PRLR: variants seen among roughly 807,000 people sequenced by gnomAD.
PRLR encodes hPRL receptor.
In PRLR, 13 loss-of-function variants were observed where a neutral mutation model predicts 40.2. The observed-to-expected ratio is 0.32, with a 90% CI of 0.21 to 0.51. The LOEUF is 0.51. PRLR is among the 20% of genes least tolerant of loss of function. The pLI is 0.97. For missense variants in PRLR, 656 were observed against 747.3 expected (o/e 0.88, Z 1.42); for synonymous variants, 269 against 278.7 (o/e 0.97, Z 0.35).
chr5:35,104,263 G>T (rs969942722), intron 2 of PRLR, among the ~76,000 whole-genome samples: 1 of 152,160 alleles, frequency 6.6e-6, no homozygotes, highest in Non-Finnish European at 1.5e-5. Context: ...GGGGTTCCAA[G>T]ACGGCCAAAT....
Position 35,084,597 on chromosome 5 carries a change from G to A in PRLR, c.246C>T (p.Gly82=), listed in dbSNP as rs1312108938. 6.2e-7 allele frequency: 1 copy of A among 1,610,718 alleles called. No homozygotes were observed. The highest frequency in any genetic ancestry group is 8.5e-7 in the Non-Finnish European group (1 of 1,178,672). Residue 82 remains glycine, a synonymous_variant, in exon 5 of 10, where the codon GGC becomes GGT. Coordinates refer to ENST00000618457, the MANE Select transcript of PRLR (RefSeq NM_000949.7). ...MHECPDYITG[G]PNSCHFGKQY... ...GCTTGCCAAAGTGGCAGGAGTTGGGGCCACCGGTTATGTAGTCTGGACATT... is the reference window on the plus strand; with the variant it reads ...GCTTGCCAAAGTGGCAGGAGTTGGGACCACCGGTTATGTAGTCTGGACATT...
At chr5:35,086,375 A>T in intron 3 of PRLR, 35 bp from the exon 4 acceptor site, 1 of 1,606,730 alleles carries the variant, frequency 6.2e-7, no homozygotes, top group Non-Finnish European at 8.5e-7. Context: ...ATCAATATTG[A>T]GGTCCATTTA....
intron 5 of PRLR, among the ~76,000 whole-genome samples, chr5:35,076,747 A>G (rs975239371): frequency 3.3e-5 from 5 of 152,214 alleles, no homozygotes; most frequent in African/African-American, 1.2e-4. Flanking sequence ...TAATTGTCAG[A>G]TTCACCAAAG....
chr5:35,077,005 T>C (rs1289006399), intron 5 of PRLR, among the ~76,000 whole-genome samples: 5 of 152,228 alleles, frequency 3.3e-5, no homozygotes, highest in Non-Finnish European at 5.9e-5. Flanking sequence ...TGAGAGATTT[T>C]GTCACTACCA....
intron 1 of PRLR, among the ~76,000 whole-genome samples, chr5:35,205,226 A>T (rs1022964666): frequency 1.3e-5 from 2 of 152,144 alleles, no homozygotes; most frequent in African/African-American, 4.8e-5. Flanking sequence ...TCTGGGAAGA[A>T]GTTCCAATCT....
chr5:35,112,490 G>A lies in PRLR; in HGVS notation c.-44+5571C>T, dbSNP rs886236017. 2.6e-5 allele frequency among the ~76,000 whole-genome samples: 4 copies of A among 152,064 alleles called. No homozygotes were observed. In the South Asian group the frequency reaches 6.2e-4, roughly 24 times the overall value. The stretch of plus-strand genomic sequence containing the variant: ...CCGGAAATTGAAAGAGTGGTAAACC[G>A]GGAAAGAGGGTAGAGAAAGAGGAGA... On this transcript the variant is annotated intron_variant, in intron 2 of 9. Coordinates refer to ENST00000618457, the MANE Select transcript of PRLR (RefSeq NM_000949.7).
intron 9 of PRLR, among the ~76,000 whole-genome samples, chr5:35,067,320 TA>T (rs1191083869): frequency 6.6e-6 from 1 of 152,224 alleles, no homozygotes; most frequent in Non-Finnish European, 1.5e-5. Context: ...GCTAGCAGGT[TA>T]AATTGTGAGC....
At chr5:35,207,023 G>C (rs540275601) in intron 1 of PRLR, among the ~76,000 whole-genome samples, 3 of 152,058 alleles carry the variant, frequency 2.0e-5, no homozygotes, top group Admixed American at 1.3e-4. Flanking sequence ...GCCTGGGAGA[G>C]AGAATTTTCA....
chr5:35,114,096 G>T (rs1025910178), intron 2 of PRLR, among the ~76,000 whole-genome samples: 2 of 152,192 alleles, frequency 1.3e-5, no homozygotes, highest in Non-Finnish European at 2.9e-5. Context: ...TCGGTTGTCA[G>T]CTTGGAGTTG....
chr5:35,111,418 T>C (rs1772652649), intron 2 of PRLR, among the ~76,000 whole-genome samples: 1 of 152,196 alleles, frequency 6.6e-6, no homozygotes, highest in Admixed American at 6.5e-5. Flanking sequence ...CTTTTGAATA[T>C]AAATTGGTGT....
intron 2 of PRLR, among the ~76,000 whole-genome samples, chr5:35,090,754 A>G (rs1354027638): frequency 2.7e-5 from 4 of 146,738 alleles, no homozygotes; most frequent in Non-Finnish European, 6.0e-5. Flanking sequence ...CGATAGCAAC[A>G]GTAGAGGTTT....
chr5:35,096,340 G>A (rs1242258886), intron 2 of PRLR, among the ~76,000 whole-genome samples: 4 of 152,176 alleles, frequency 2.6e-5, no homozygotes, highest in Non-Finnish European at 4.4e-5. Context: ...GCTTGTTTTC[G>A]AGCAGTCTTT....
intron 5 of PRLR, among the ~76,000 whole-genome samples, chr5:35,077,610 C>G (rs920643056): frequency 3.3e-5 from 5 of 152,156 alleles, no homozygotes; most frequent in Non-Finnish European, 7.3e-5. Flanking sequence ...TAATGGGAGA[C>G]TTTAACACCC....
rs994283634 is a variant in PRLR at position 35,176,632 on chromosome 5, A to G, written c.-106+53636T>C. 4.7e-4 allele frequency among the ~76,000 whole-genome samples: 72 copies of G among 152,330 alleles called. No individual in the cohort carries two copies. In the East Asian group the frequency reaches 5.4e-3, roughly 11 times the overall value. The stretch of plus-strand genomic sequence containing the variant: ...GCTTGAAGGCAGCACGCTCCTTAAG[A>G]GTCATCACCACTCCCTAATCTCAAG... On this transcript the variant is annotated intron_variant, in intron 1 of 9. Transcript: ENST00000618457.
intron 1 of PRLR, among the ~76,000 whole-genome samples, chr5:35,197,576 C>T (rs1220905200): frequency 6.6e-6 from 1 of 152,218 alleles, no homozygotes; most frequent in African/African-American, 2.4e-5. Flanking sequence ...TCACACTAGT[C>T]CTTCCTCCCA....
In PRLR at chr5:35,165,619, G is replaced by A. The variant is rs1327955669; in HGVS notation, c.-105-47497C>T. 3.0e-4 allele frequency among the ~76,000 whole-genome samples: 46 copies of A among 152,068 alleles called. 1 individual carries two copies. Among genetic ancestry groups the A allele is most frequent in the Non-Finnish European group, 4.4e-5 (3 of 68,010 alleles). On this transcript the variant is annotated intron_variant, in intron 1 of 9. Transcript: ENST00000618457. ...AACAAATAATGCCTGGGTAACCATT[G>A]GCCTTTGGAATCTAGTGATTCGGGC...
At chr5:35,110,296 T>C (rs1772577419) in intron 2 of PRLR, among the ~76,000 whole-genome samples, 1 of 152,008 alleles carries the variant, frequency 6.6e-6, no homozygotes, top group Non-Finnish European at 1.5e-5. Context: ...CACACCAACA[T>C]GGCACATGTA....
intron 1 of PRLR, among the ~76,000 whole-genome samples, chr5:35,185,608 A>G (rs570852679): frequency 2.0e-5 from 3 of 152,278 alleles, no homozygotes; most frequent in Non-Finnish European, 4.4e-5. Context: ...TTACAGCAAG[A>G]CCTAGCTCTG....
At chr5:35,144,081 C>A (rs969566311) in intron 1 of PRLR, among the ~76,000 whole-genome samples, 2 of 112,550 alleles carry the variant, frequency 1.8e-5, no homozygotes, top group Non-Finnish European at 3.5e-5. Flanking sequence ...GTTTTGCATT[C>A]TTTTTTGTTT....
Sources: allele counts gnomAD v4.1 joint callset (sites outside exome capture counted in the v4.1 genomes callset), GRCh38; gene constraint gnomAD v4.1.1; transcripts MANE v1.5; gene names NCBI Gene and HGNC (gene_info 2026-07-23, HGNC 2026-07-21).